The following EPHA3 variants were observed in gnomAD, a reference collection of about 807,000 sequenced individuals.
The protein encoded by EPHA3 is EPH receptor A3, also known as ephrin type-A receptor 3.
A neutral mutation model predicts 107.1 loss-of-function variants in EPHA3; 42 were observed. The ratio of observed to expected loss-of-function variants is 0.39; its 90% CI spans 0.31 to 0.51. The LOEUF is 0.51. EPHA3 is among the 20% of genes least tolerant of loss of function. The pLI, the probability that EPHA3 is intolerant of heterozygous loss-of-function variation, is 0.78. For missense variants in EPHA3, 1,183 were observed against 1,211.2 expected (o/e 0.98, Z 0.35); for synonymous variants, 461 against 424.8 (o/e 1.09, Z -1.05).
chr3:89,353,753 C>A (rs779846652), intron 5 of EPHA3, among the ~76,000 whole-genome samples: 18 of 151,402 alleles, frequency 1.2e-4, no homozygotes, highest in Middle Eastern at 6.8e-3. Flanking sequence ...AAAGCAAAAA[C>A]CATATATTGT....
intron 2 of EPHA3, among the ~76,000 whole-genome samples, chr3:89,186,708 C>G (rs1705576534): frequency 6.6e-6 from 1 of 151,978 alleles, no homozygotes; most frequent in South Asian, 2.1e-4. Flanking sequence ...CAGTTTTTTT[C>G]GGGCTACTAG....
At chr3:89,426,691 T>C (rs1709464452) in intron 11 of EPHA3, among the ~76,000 whole-genome samples, 1 of 151,734 alleles carries the variant, frequency 6.6e-6, no homozygotes, top group South Asian at 2.1e-4. Context: ...AAGGTCTGAG[T>C]AGTATAAAAA....
intron 3 of EPHA3, among the ~76,000 whole-genome samples, chr3:89,249,187 A>G (rs1270687158): frequency 2.6e-5 from 4 of 152,104 alleles, no homozygotes; most frequent in African/African-American, 4.8e-5. Context: ...TCTTGAAACA[A>G]TCTTCCTCAT....
At chr3:89,235,486 T>A (rs1704737487) in intron 3 of EPHA3, among the ~76,000 whole-genome samples, 1 of 152,124 alleles carries the variant, frequency 6.6e-6, no homozygotes, top group Non-Finnish European at 1.5e-5. Context: ...AAAACTCTCA[T>A]TCCTGACTTT....
At chr3:89,131,737 G>C (rs1704211854) in intron 2 of EPHA3, among the ~76,000 whole-genome samples, 1 of 152,192 alleles carries the variant, frequency 6.6e-6, no homozygotes, top group Admixed American at 6.5e-5. Context: ...AAAACAGAAA[G>C]AGGTATCCGA....
chr3:89,341,079 G>A lies in EPHA3; in HGVS notation c.970+8G>A. 6.2e-7 allele frequency: 1 copy of A among 1,610,712 alleles called. No homozygotes were observed. Among genetic ancestry groups the A allele is most frequent in the Non-Finnish European group, 8.5e-7 (1 of 1,178,880 alleles). On this transcript the variant is annotated splice_region_variant and intron_variant, in intron 4 of 16. Transcript: ENST00000336596. Reference sequence around the variant, plus strand: ...CATCCATGGCTTGTACCCGTGAGTAGTTTTGCTGCAACCCATGCCTCCATG... The same window carrying A: ...CATCCATGGCTTGTACCCGTGAGTAATTTTGCTGCAACCCATGCCTCCATG...
intron 3 of EPHA3, among the ~76,000 whole-genome samples, chr3:89,331,419 T>A (rs981088599): frequency 1.3e-4 from 20 of 152,196 alleles, no homozygotes; most frequent in Non-Finnish European, 1.9e-4. Context: ...TATACAAATG[T>A]ATGAGAATAG....
intron 3 of EPHA3, among the ~76,000 whole-genome samples, chr3:89,270,369 TTC>T (rs1372213659): frequency 6.6e-6 from 1 of 152,082 alleles, no homozygotes; most frequent in East Asian, 1.9e-4. Context: ...CTGCCAGGAC[TTC>T]CACGCACTGT....
intron 3 of EPHA3, among the ~76,000 whole-genome samples, chr3:89,295,971 C>T (rs181579851): frequency 6.6e-6 from 1 of 152,270 alleles, no homozygotes; most frequent in Admixed American, 6.5e-5. Context: ...CTTTGCTCAT[C>T]CATAAGAAGC....
chr3:89,424,518 T>C (rs1256389166), intron 11 of EPHA3, among the ~76,000 whole-genome samples: 1 of 151,214 alleles, frequency 6.6e-6, no homozygotes, highest in Non-Finnish European at 1.5e-5. Context: ...GTACAGGAAA[T>C]CTTAAACCTT....
chr3:89,141,616 A>G (rs1704433029), intron 2 of EPHA3, among the ~76,000 whole-genome samples: 1 of 151,596 alleles, frequency 6.6e-6, no homozygotes, highest in Admixed American at 6.6e-5. Context: ...TTTAAGAACC[A>G]ATGTCCTACA....
chr3:89,429,695 C>CATCTATCTATCT (rs55794052), intron 12 of EPHA3, among the ~76,000 whole-genome samples: 18 of 149,248 alleles, frequency 1.2e-4, no homozygotes, highest in South Asian at 6.4e-4. Flanking sequence ...GTTTATCTAT[C>CATCTATCTATCT]ATCTATCTAT....
rs115036498 is a variant in EPHA3, at chr3:89,237,607, T to G, written c.814+27087T>G. On this transcript the variant is annotated intron_variant, in intron 3 of 16. Transcript: ENST00000336596. ...TGGTGGTGGATGTGTACTGTTGATA[T>G]CCAAGAATAACTTTTATCTGTTTTG... Among the ~76,000 whole-genome samples, 578 of 152,254 alleles carry G rather than the reference T, an allele frequency of 3.8e-3. 6 individuals carry two copies. The highest frequency in any genetic ancestry group is 0.011 in the African/African-American group (451 of 41,554).
At chr3:89,283,412 G>GT (rs1705995761) in intron 3 of EPHA3, among the ~76,000 whole-genome samples, 1 of 152,014 alleles carries the variant, frequency 6.6e-6, no homozygotes, top group African/African-American at 2.4e-5. Context: ...ACAAAATGGA[G>GT]TAAACTACTA....
chr3:89,223,293 G>A (rs181130577), intron 3 of EPHA3, among the ~76,000 whole-genome samples: 1 of 152,266 alleles, frequency 6.6e-6, no homozygotes, highest in African/African-American at 2.4e-5. Context: ...GGAAAGGGAG[G>A]CTGAAAGGAA....
At chr3:89,244,386 G>T (rs1704981933) in intron 3 of EPHA3, among the ~76,000 whole-genome samples, 1 of 151,922 alleles carries the variant, frequency 6.6e-6, no homozygotes, top group South Asian at 2.1e-4. Context: ...TTTCTAAAAT[G>T]ATATGAGCTA....
intron 11 of EPHA3, among the ~76,000 whole-genome samples, chr3:89,428,009 A>C (rs1709492614): frequency 6.6e-6 from 1 of 151,942 alleles, no homozygotes; most frequent in South Asian, 2.1e-4. Flanking sequence ...CGCTGTAACA[A>C]TTGTCTAAAG....
rs747524925 is a variant in EPHA3, at chr3:89,419,429, T to C, written c.2074+39T>C. The C allele has an allele frequency of 3.3e-6, 5 of 1,496,262 alleles. No homozygotes were observed. In the Admixed American group the frequency reaches 1.2e-4, roughly 35 times the overall value. 92.7% of individuals were successfully genotyped at this position (1,496,262 alleles called of 1,614,324 possible). A position where few individuals can be genotyped will look rare whatever the true frequency, so the allele number is the denominator to read the frequency against. ...TCATAAGACCTGTGTTTCCGTATGT[T>C]GAGCAAAGGTTGTTTAAACCCAACC... On this transcript the variant is annotated intron_variant, in intron 11 of 16. Coordinates refer to ENST00000336596, the MANE Select transcript of EPHA3 (RefSeq NM_005233.6).
intron 5 of EPHA3, among the ~76,000 whole-genome samples, chr3:89,369,159 T>C (rs539895254): frequency 1.3e-5 from 2 of 150,156 alleles, no homozygotes; most frequent in African/African-American, 4.9e-5. Flanking sequence ...TAAGAAGGAA[T>C]GGAAACAACA....
Sources: allele counts gnomAD v4.1 joint callset (sites outside exome capture counted in the v4.1 genomes callset), GRCh38; gene constraint gnomAD v4.1.1; transcripts MANE v1.5; gene names NCBI Gene and HGNC (gene_info 2026-07-23, HGNC 2026-07-21).